The following DLGAP2 variants were observed in gnomAD, a reference collection of about 807,000 sequenced individuals.
The protein encoded by DLGAP2 is DLG associated protein 2, also known as disks large-associated protein 2.
A neutral mutation model predicts 100.3 loss-of-function variants in DLGAP2; 26 were observed. That is an observed-to-expected ratio of 0.26 (90% CI 0.19 to 0.36). DLGAP2 has a LOEUF of 0.36. Ranked by LOEUF, DLGAP2 falls within the 10% of genes least tolerant of loss-of-function variation. DLGAP2 has a pLI of 1.00. For missense variants in DLGAP2, 1,858 were observed against 1,453.2 expected, an observed-to-expected ratio of 1.28 and a Z score of -4.53; for synonymous variants, 886 against 630.1, an observed-to-expected ratio of 1.41 and a Z score of -6.08.
intron 3 of DLGAP2, among the ~76,000 whole-genome samples, chr8:1,356,749 GA>G (rs2129640207): frequency 6.6e-6 from 1 of 152,340 alleles, no homozygotes; most frequent in African/African-American, 2.4e-5. Context: ...AAGTATGGAT[GA>G]AAAACAGACA....
chr8:1,021,374 G>A (rs1325289452), intron 2 of DLGAP2, among the ~76,000 whole-genome samples: 2 of 152,150 alleles, frequency 1.3e-5, no homozygotes, highest in Admixed American at 1.3e-4. Context: ...AATGCTCTAA[G>A]GTGAGAGCAG....
At chr8:1,272,084 G>A (rs930740148) in intron 3 of DLGAP2, among the ~76,000 whole-genome samples, 4 of 152,086 alleles carry the variant, frequency 2.6e-5, no homozygotes, top group Non-Finnish European at 4.4e-5. Flanking sequence ...CCAAAATGCT[G>A]GAATTACAGG....
At chr8:831,317 C>G (rs559643851) in intron 1 of DLGAP2, among the ~76,000 whole-genome samples, 3 of 150,766 alleles carry the variant, frequency 2.0e-5, no homozygotes, top group South Asian at 4.3e-4. Flanking sequence ...CTGCACCCAT[C>G]AACTCGTCAT....
At chr8:921,597 C>G (rs1382228865) in intron 2 of DLGAP2, among the ~76,000 whole-genome samples, 1 of 152,232 alleles carries the variant, frequency 6.6e-6, no homozygotes, top group Admixed American at 6.5e-5. Context: ...GTCCTGGTCC[C>G]GTGTCCCTTC....
chr8:1,294,209 C>A (rs1303911320), intron 3 of DLGAP2, among the ~76,000 whole-genome samples: 1 of 152,190 alleles, frequency 6.6e-6, no homozygotes, highest in Non-Finnish European at 1.5e-5. Flanking sequence ...CCCACCTCTC[C>A]CCTTGCCAGT....
chr8:1,509,327 C>CTA (rs769352573), intron 4 of DLGAP2, among the ~76,000 whole-genome samples: 2 of 77,482 alleles, frequency 2.6e-5, no homozygotes, highest in African/African-American at 4.5e-5. Context: ...AAGACTCCGT[C>CTA]CAAAAAAAAA....
intron 4 of DLGAP2, among the ~76,000 whole-genome samples, chr8:1,541,750 C>A (rs1801368344): frequency 1.3e-5 from 2 of 152,196 alleles, no homozygotes. Context: ...GATTAAGTAA[C>A]CATCAGCCAT....
At chr8:1,508,158 G>A (rs1214193933) in intron 4 of DLGAP2, among the ~76,000 whole-genome samples, 4 of 151,804 alleles carry the variant, frequency 2.6e-5, no homozygotes, top group Admixed American at 6.6e-5. Flanking sequence ...GTGGAACTTA[G>A]GATGCCAGGG....
At chr8:1,444,614 T>A (rs1797930632) in intron 3 of DLGAP2, among the ~76,000 whole-genome samples, 1 of 152,150 alleles carries the variant, frequency 6.6e-6, no homozygotes, top group South Asian at 2.1e-4. Flanking sequence ...CACCTCCTTC[T>A]CCATCATCCC....
chr8:999,800 A>G (rs1296418592), intron 2 of DLGAP2, among the ~76,000 whole-genome samples: 1 of 152,142 alleles, frequency 6.6e-6, no homozygotes, highest in African/African-American at 2.4e-5. Context: ...TTTAATACTC[A>G]GTTGAGTTCC....
intron 7 of DLGAP2, among the ~76,000 whole-genome samples, chr8:1,628,506 C>A (rs1401731493): frequency 6.9e-6 from 1 of 145,072 alleles, no homozygotes; most frequent in Non-Finnish European, 1.5e-5. Context: ...TACTGTGGAG[C>A]AGGAATTAAG....
intron 8 of DLGAP2, among the ~76,000 whole-genome samples, chr8:1,664,061 T>G (rs1798481768): frequency 6.6e-6 from 1 of 152,194 alleles, no homozygotes. Context: ...ACTGATCCAC[T>G]GATACCAAAC....
intron 3 of DLGAP2, among the ~76,000 whole-genome samples, chr8:1,278,503 C>T (rs1799751995): frequency 6.6e-6 from 1 of 152,170 alleles, no homozygotes; most frequent in African/African-American, 2.4e-5. Flanking sequence ...AACTGCATAT[C>T]ATTCTGTTTA....
intron 3 of DLGAP2, among the ~76,000 whole-genome samples, chr8:1,421,488 G>T (rs1347418959): frequency 6.6e-6 from 1 of 152,194 alleles, no homozygotes; most frequent in Non-Finnish European, 1.5e-5. Flanking sequence ...TCACTTTCAT[G>T]CTACGTACTC....
intron 6 of DLGAP2, among the ~76,000 whole-genome samples, chr8:1,579,086 T>G (rs574311859): frequency 1.3e-5 from 2 of 152,370 alleles, no homozygotes; most frequent in African/African-American, 4.8e-5. Context: ...CTGATTGTGA[T>G]GAAAGGTAGA....
intron 1 of DLGAP2, among the ~76,000 whole-genome samples, chr8:804,612 C>G (rs34031906): frequency 1.3e-5 from 2 of 152,112 alleles, no homozygotes; most frequent in Admixed American, 6.5e-5. Context: ...CTGTACTTTA[C>G]CAGAAAAGTT....
At chr8:847,479 G>T (rs1454465272) in intron 1 of DLGAP2, among the ~76,000 whole-genome samples, 1 of 151,610 alleles carries the variant, frequency 6.6e-6, no homozygotes, top group Non-Finnish European at 1.5e-5. Context: ...TTTTTGATTG[G>T]ATTATCTTGA....
At chr8:1,181,675 C>G (rs75546756) in intron 2 of DLGAP2, among the ~76,000 whole-genome samples, 5,662 of 152,222 alleles carry the variant, frequency 0.037, 389 homozygotes, top group African/African-American at 0.13. Flanking sequence ...CCATTTACCC[C>G]TGAACTTTAA....
intron 8 of DLGAP2, among the ~76,000 whole-genome samples, chr8:1,661,923 G>T (rs993683821): frequency 6.6e-6 from 1 of 152,228 alleles, no homozygotes; most frequent in Non-Finnish European, 1.5e-5. Context: ...GCTGCTCACA[G>T]TATGGTGAGC....
Sources: gnomAD v4.1 joint callset for allele counts (sites outside exome capture counted in the v4.1 genomes callset) on GRCh38, gnomAD v4.1.1 for gene constraint, MANE v1.5 for transcripts, NCBI Gene and HGNC (gene_info 2026-07-23, HGNC 2026-07-21) for gene names.